P2RX7: variants seen among roughly 807,000 people sequenced by gnomAD.
The protein encoded by P2RX7 is purinergic receptor P2X 7.
P2RX7 carries 62 observed loss-of-function variants against 71.6 expected under a neutral mutation model. The ratio of observed to expected loss-of-function variants is 0.87; its 90% confidence interval spans 0.71 to 1.07. The LOEUF is 1.07. Among genes scored for constraint, P2RX7 ranks in the 50% least tolerant of loss-of-function variants. P2RX7 has a pLI of 0.00. For synonymous variants in P2RX7, 299 were observed against 283.3 expected (o/e 1.06, Z -0.56); for missense variants, 686 against 748.5 (o/e 0.92, Z 0.97).
chr12:121,186,053 CAA>C lies in P2RX7; in HGVS notation c.*1264_*1265del, dbSNP rs3078950. 2.0e-4 allele frequency: 17 copies of C among 86,576 alleles called. No homozygotes were observed. Among genetic ancestry groups the C allele is most frequent in the South Asian group, 3.7e-4 (1 of 2,722 alleles). The allele number at this position is 86,576 out of a possible 1,614,324, so 5.4% of individuals were successfully genotyped here. A position where few individuals can be genotyped will look rare whatever the true frequency, so the allele number is the denominator to read the frequency against. ...TGGGTGACAGAGCGAGACTCCATCT[CAA>C]AAAAAAAAAAAAGAAAAAAAAAATG... On this transcript the variant is annotated 3_prime_UTR_variant, in exon 13 of 13. Transcript: ENST00000328963.
chr12:121,133,231 C>A, intron 1 of P2RX7, 136 bp downstream of exon 1: 1 of 993,906 alleles, frequency 1.0e-6, no homozygotes. Context: ...GCCAGCTGGG[C>A]GGGAGGGAGG....
At position 121,165,342 on chromosome 12, in the gene P2RX7, A is replaced by T. The variant is rs760835245; in HGVS notation, c.534-15A>T. The T allele has an allele frequency of 6.2e-7, 1 of 1,611,486 alleles. No homozygotes were observed. ...CCCCCGTCACTAATGGCCATTTTGC[A>T]TGTCTCTCTCCCAGGCCTGCTCTCT... On this transcript the variant is annotated splice_polypyrimidine_tract_variant and intron_variant, in intron 5 of 12. Transcript: ENST00000328963.
Position 121,133,085 on chromosome 12 carries a change from T to C in P2RX7, c.115T>C (p.Ser39Pro). The C allele has an allele frequency of 6.2e-7, 1 of 1,614,156 alleles. No individual in the cohort carries two copies. Among genetic ancestry groups the C allele is most frequent in the Admixed American group, 1.7e-5 (1 of 60,030 alleles). The change falls in exon 1 of 13, where the codon TCC becomes CCC. Residue 39 changes from serine (S) to proline (P), a missense_variant. Coordinates refer to ENST00000328963, the MANE Select transcript of P2RX7 (RefSeq NM_002562.6). ...GTGGTTCTTCCACGTGATCATCTTT[T>C]CCTACGTTTGGTAAGTGGGATCTGG... Reference protein sequence around the residue: ...IKWFFHVIIFSYVCFALVSDK... With the variant: ...IKWFFHVIIFPYVCFALVSDK...
At chr12:121,158,365 T>C (rs909519423) in intron 3 of P2RX7, among the ~76,000 whole-genome samples, 4 of 152,120 alleles carry the variant, frequency 2.6e-5, no homozygotes, top group African/African-American at 7.2e-5. Context: ...GGAGCCTCAA[T>C]TGGCACCCAG....
At chr12:121,145,279 G>A (rs920959638) in intron 1 of P2RX7, among the ~76,000 whole-genome samples, 7 of 152,174 alleles carry the variant, frequency 4.6e-5, no homozygotes, top group East Asian at 1.9e-4. Flanking sequence ...GGAAGGAGGC[G>A]AGGGAAGTGG....
intron 11 of P2RX7, among the ~76,000 whole-genome samples, chr12:121,178,568 G>A (rs1883550527): frequency 1.3e-5 from 2 of 152,180 alleles, no homozygotes; most frequent in South Asian, 2.1e-4. Context: ...GAGGCAGGCA[G>A]ATCACTTGAG....
intron 1 of P2RX7, among the ~76,000 whole-genome samples, chr12:121,135,606 G>A (rs1873370662): frequency 6.6e-6 from 1 of 152,034 alleles, no homozygotes; most frequent in Non-Finnish European, 1.5e-5. Flanking sequence ...ATGGCATATA[G>A]TAATCCCTGA....
rs189238545 is a variant in P2RX7, at chr12:121,167,744, T to G, written c.881+120T>G. The G allele has an allele frequency of 2.1e-4, 163 of 787,984 alleles. No homozygotes were observed. The East Asian group carries it at 3.9e-3, about 19-fold the overall frequency. The allele number at this position is 787,984 out of a possible 1,614,324, so 48.8% of individuals were successfully genotyped here. A position where few individuals can be genotyped will look rare whatever the true frequency, so the allele number is the denominator to read the frequency against. On this transcript the variant is annotated intron_variant, in intron 8 of 12. Transcript: ENST00000328963. The stretch of plus-strand genomic sequence containing the variant: ...ATGAAAAAAGACTTTCTCTAAGAAC[T>G]AGGTGATAACTGAATTTTTTCCATA...
At chr12:121,171,359 CTTTTTT>C (rs34595094) in intron 8 of P2RX7, among the ~76,000 whole-genome samples, 1 of 105,024 alleles carries the variant, frequency 9.5e-6, no homozygotes, top group African/African-American at 4.1e-5. Flanking sequence ...TCTTCAATCT[CTTTTTT>C]TTTTTTTTTT....
At position 121,145,278 on chromosome 12, in the gene P2RX7, C is replaced by T. The variant is rs79126683; in HGVS notation, c.126-9507C>T. On this transcript the variant is annotated intron_variant, in intron 1 of 12. Transcript: ENST00000328963. ...ACTCCTGCAAGCTAAGGGAAGGAGGCGAGGGAAGTGGGGCATGGTCACAGT... is the reference window on the plus strand; with the variant it reads ...ACTCCTGCAAGCTAAGGGAAGGAGGTGAGGGAAGTGGGGCATGGTCACAGT... Among the ~76,000 whole-genome samples the T allele has an allele frequency of 1.7e-4, 26 of 152,086 alleles. No homozygotes were observed. In the East Asian group the frequency reaches 4.6e-3, roughly 27 times the overall value.
At chr12:121,146,668 G>C (rs1055086677) in intron 1 of P2RX7, among the ~76,000 whole-genome samples, 1 of 152,142 alleles carries the variant, frequency 6.6e-6, no homozygotes, top group African/African-American at 2.4e-5. Context: ...TTTGTGATTT[G>C]GGAAAATGAA....
intron 1 of P2RX7, among the ~76,000 whole-genome samples, chr12:121,137,315 T>A (rs1020016056): frequency 3.3e-5 from 5 of 152,180 alleles, no homozygotes; most frequent in African/African-American, 1.2e-4. Flanking sequence ...CTCCTTCACC[T>A]TCACCTGGAG....
chr12:121,175,800 A>T (rs12819741), intron 9 of P2RX7, among the ~76,000 whole-genome samples: 14,772 of 151,808 alleles, frequency 0.097, 1,041 homozygotes, highest in Non-Finnish European at 0.15. Context: ...CTTAAGGGGA[A>T]AAAAAAAGTT....
At chr12:121,163,624 G>C (rs1880362122) in intron 5 of P2RX7, among the ~76,000 whole-genome samples, 1 of 149,678 alleles carries the variant, frequency 6.7e-6, no homozygotes, top group Non-Finnish European at 1.5e-5. Context: ...TAGATAGATA[G>C]ATAGATAGAT....
chr12:121,140,490 AG>A (rs1874623081), intron 1 of P2RX7, among the ~76,000 whole-genome samples: 1 of 152,188 alleles, frequency 6.6e-6, no homozygotes, highest in Non-Finnish European at 1.5e-5. Flanking sequence ...ACCAGATGCG[AG>A]GAGATAGAGG....
intron 5 of P2RX7, among the ~76,000 whole-genome samples, chr12:121,163,820 A>G (rs1880422818): frequency 6.6e-6 from 1 of 152,178 alleles, no homozygotes; most frequent in Admixed American, 6.5e-5. Flanking sequence ...CATATTGGAC[A>G]GCGCAGTTCT....
chr12:121,138,388 C>G (rs1411913282), intron 1 of P2RX7, among the ~76,000 whole-genome samples: 1 of 152,198 alleles, frequency 6.6e-6, no homozygotes, highest in African/African-American at 2.4e-5. Context: ...TAAGAAAGTC[C>G]CAGGAAAGAC....
rs1876896099 is a variant in P2RX7, at chr12:121,149,256, C to T, written c.126-5529C>T. 1.3e-5 allele frequency: 4 copies of T among 310,300 alleles called. No individual in the cohort carries two copies. The highest frequency in any genetic ancestry group is 6.3e-6 in the Non-Finnish European group (1 of 158,376). 19.2% of individuals were successfully genotyped at this position (310,300 alleles called of 1,614,324 possible). A position where few individuals can be genotyped will look rare whatever the true frequency, so the allele number is the denominator to read the frequency against. On this transcript the variant is annotated intron_variant, in intron 1 of 12. Transcript: ENST00000328963. This position sits in a 1 kb window ranked among gnomAD's most constrained non-coding sequence, Gnocchi z 4.7. ...CCATGGGCCCAACCTCACCCTCCAT[C>T]CTTATTTCCCTGCCACTCCAGGGCT...
intron 1 of P2RX7, among the ~76,000 whole-genome samples, chr12:121,152,354 G>A (rs1363034998): frequency 2.0e-5 from 3 of 150,902 alleles, no homozygotes; most frequent in Non-Finnish European, 4.4e-5. Context: ...TTTGAGACAG[G>A]GTCTCACTCT....
Sources: allele counts gnomAD v4.1 joint callset (sites outside exome capture counted in the v4.1 genomes callset), GRCh38; gene constraint gnomAD v4.1.1; non-coding constraint Gnocchi (gnomAD v3.1); transcripts MANE v1.5; gene names NCBI Gene and HGNC (gene_info 2026-07-23, HGNC 2026-07-21).